The following INSR variants were observed in gnomAD, a reference collection of about 807,000 sequenced individuals.
INSR encodes the protein insulin receptor.
INSR carries 67 observed loss-of-function variants against 142.6 expected under a neutral mutation model. That is an observed-to-expected ratio of 0.47 (90% CI 0.39 to 0.58). The LOEUF is 0.58. Ranked by LOEUF, INSR falls within the 20% of genes least tolerant of loss-of-function variation. The pLI is 0.00. For synonymous variants in INSR, 756 were observed against 743.1 expected (o/e 1.02, Z -0.28); for missense variants, 1,248 against 1,833.2 (o/e 0.68, Z 5.83).
chr19:7,210,177 T>C (rs962272389), intron 2 of INSR, among the ~76,000 whole-genome samples: 1 of 151,882 alleles, frequency 6.6e-6, no homozygotes, highest in Non-Finnish European at 1.5e-5. Context: ...AAACCCCATC[T>C]CTACTAAAAA....
intron 13 of INSR, among the ~76,000 whole-genome samples, chr19:7,135,466 C>T (rs1256519823): frequency 6.7e-6 from 1 of 149,200 alleles, no homozygotes; most frequent in Non-Finnish European, 1.5e-5. Flanking sequence ...TAGGCGTGTG[C>T]CACAAAGCGA....
At chr19:7,202,301 A>G (rs1600005573) in intron 2 of INSR, among the ~76,000 whole-genome samples, 1 of 152,052 alleles carries the variant, frequency 6.6e-6, no homozygotes, top group South Asian at 2.1e-4. Context: ...ATTATTTCCA[A>G]TATTCATCAT....
intron 2 of INSR, among the ~76,000 whole-genome samples, chr19:7,197,835 C>CGA (rs748138504): frequency 0.023 from 662 of 28,292 alleles, 56 homozygotes; most frequent in South Asian, 0.064. Context: ...AGAGAGAGAA[C>CGA]GAGAGAGAGA....
At chr19:7,183,703 G>A (rs886265561) in intron 3 of INSR, among the ~76,000 whole-genome samples, 7 of 152,036 alleles carry the variant, frequency 4.6e-5, no homozygotes, top group Non-Finnish European at 8.8e-5. Flanking sequence ...GGAAAACCAA[G>A]GACTCTGTCC....
At position 7,166,592 on chromosome 19, in the gene INSR, G is replaced by GA. The variant is rs1973896816; in HGVS notation, c.1611-189dup. Among the ~76,000 whole-genome samples, 1 of 152,094 alleles carries GA rather than the reference G, an allele frequency of 6.6e-6. No homozygotes were observed. The highest frequency in any genetic ancestry group is 1.5e-5 in the Non-Finnish European group (1 of 68,014). ...GAACTGTCAACCCTGACATCTCAAT[G>GA]AAAAAACACAGCTTGGGCATCCCTT... On this transcript the variant is annotated intron_variant, in intron 7 of 21. Coordinates refer to ENST00000302850, the MANE Select transcript of INSR (RefSeq NM_000208.4). The surrounding 1 kb of genome is among the most constrained non-coding windows in gnomAD (Gnocchi z 4.1).
chr19:7,128,740 C>T, intron 15 of INSR, 112 bp downstream of exon 15: 2 of 743,706 alleles, frequency 2.7e-6, no homozygotes, highest in East Asian at 2.5e-5. Context: ...GTTACACATC[C>T]TATATCAGCA....
intron 2 of INSR, among the ~76,000 whole-genome samples, chr19:7,235,676 C>A (rs1398513282): frequency 2.0e-5 from 3 of 151,958 alleles, no homozygotes; most frequent in Admixed American, 6.6e-5. Flanking sequence ...GTAGTGAGAC[C>A]TCATCTTTAC....
intron 2 of INSR, among the ~76,000 whole-genome samples, chr19:7,233,246 A>G (rs1529449): frequency 0.7 from 107,118 of 151,960 alleles, 38,071 homozygotes; most frequent in East Asian, 0.8. Context: ...CACCCACCTC[A>G]GCCTCCCAAA....
chr19:7,125,171 G>T lies in INSR; in HGVS notation c.3258+112C>A. The T allele has an allele frequency of 7.8e-7, 1 of 1,278,772 alleles. No individual in the cohort carries two copies. Among genetic ancestry groups the T allele is most frequent in the Non-Finnish European group, 1.1e-6 (1 of 895,956 alleles). 79.2% of individuals were successfully genotyped at this position (1,278,772 alleles called of 1,614,324 possible). On this transcript the variant is annotated intron_variant, in intron 17 of 21. Coordinates refer to ENST00000302850, the MANE Select transcript of INSR (RefSeq NM_000208.4). The surrounding 1 kb of genome is among the most constrained non-coding windows in gnomAD (Gnocchi z 4.9). ...AGGATGGGAAGCTTAGTGGAGTGAGGGGTGGGTAGGAGGTTACACCCTGTG... is the reference window on the plus strand; with the variant it reads ...AGGATGGGAAGCTTAGTGGAGTGAGTGGTGGGTAGGAGGTTACACCCTGTG...
intron 2 of INSR, among the ~76,000 whole-genome samples, chr19:7,189,277 C>T (rs1448946634): frequency 6.6e-6 from 1 of 152,214 alleles, no homozygotes; most frequent in Non-Finnish European, 1.5e-5. Flanking sequence ...TAACACAAAC[C>T]TCTCAAACAC....
chr19:7,253,966 T>C (rs1030297413), intron 2 of INSR, among the ~76,000 whole-genome samples: 1 of 148,294 alleles, frequency 6.7e-6, no homozygotes, highest in Non-Finnish European at 1.5e-5. Flanking sequence ...GAGGCAGAGG[T>C]TGCAGTGAGC....
Position 7,192,335 on chromosome 19 carries a change from G to A in INSR, c.653-7698C>T, listed in dbSNP as rs1006363256. On this transcript the variant is annotated intron_variant, in intron 2 of 21. Coordinates refer to ENST00000302850, the MANE Select transcript of INSR (RefSeq NM_000208.4). The surrounding 1 kb of genome is among the most constrained non-coding windows in gnomAD (Gnocchi z 4.2). ...AAAAATCACAGGCAGCCCAGGCTGGGGAAAGGGCATGACACAGATGAACTA... is the reference window on the plus strand; with the variant it reads ...AAAAATCACAGGCAGCCCAGGCTGGAGAAAGGGCATGACACAGATGAACTA... Among the ~76,000 whole-genome samples the A allele has an allele frequency of 1.3e-5, 2 of 152,040 alleles. No homozygotes were observed. Among genetic ancestry groups the A allele is most frequent in the Non-Finnish European group, 2.9e-5 (2 of 68,004 alleles).
At chr19:7,194,407 A>T (rs1305827339) in intron 2 of INSR, among the ~76,000 whole-genome samples, 1 of 116,882 alleles carries the variant, frequency 8.6e-6, no homozygotes, top group Non-Finnish European at 1.7e-5. Context: ...ACAGAATGAG[A>T]CTTCATCTCA....
intron 5 of INSR, among the ~76,000 whole-genome samples, chr19:7,171,840 G>T (rs1309069377): frequency 6.6e-6 from 1 of 151,686 alleles, no homozygotes; most frequent in Non-Finnish European, 1.5e-5. Context: ...CCGAGGTTTT[G>T]CCAGATATAC....
intron 13 of INSR, among the ~76,000 whole-genome samples, chr19:7,132,740 C>T (rs1207085425): frequency 3.3e-5 from 5 of 151,720 alleles, no homozygotes; most frequent in African/African-American, 1.2e-4. Context: ...TACAGGCGCT[C>T]ACCACCGCGC....
chr19:7,143,884 GT>G (rs2144865055), intron 11 of INSR, among the ~76,000 whole-genome samples: 1 of 152,116 alleles, frequency 6.6e-6, no homozygotes, highest in South Asian at 2.1e-4. Flanking sequence ...GGGAAACCCC[GT>G]CTCTACTAAA....
In INSR at chr19:7,114,088, A is replaced by G. The variant is rs1050400885; in HGVS notation, c.*2968T>C. The G allele has an allele frequency of 6.7e-6, 1 of 149,810 alleles. No homozygotes were observed. Among genetic ancestry groups the G allele is most frequent in the Non-Finnish European group, 1.5e-5 (1 of 67,558 alleles). The allele number at this position is 149,810 out of a possible 1,614,324, so 9.3% of individuals were successfully genotyped here. The stretch of plus-strand genomic sequence containing the variant: ...AAAAAAAAAAGCGTTCAGCACATTA[A>G]TGGGTTTTGGATTGGAATTTCCCTC... On this transcript the variant is annotated 3_prime_UTR_variant, in exon 22 of 22. Transcript: ENST00000302850.
chr19:7,119,174 A>G lies in INSR; in HGVS notation c.3794+275T>C, dbSNP rs958730713. ...TATGCTGATGCACACAGAAACATAT[A>G]ATATGCAAACATAAATACCTATGTA... On this transcript the variant is annotated intron_variant, in intron 21 of 21. Coordinates refer to ENST00000302850, the MANE Select transcript of INSR (RefSeq NM_000208.4). The surrounding 1 kb of genome is among the most constrained non-coding windows in gnomAD (Gnocchi z 5.2). Among the ~76,000 whole-genome samples the G allele has an allele frequency of 6.6e-6, 1 of 152,238 alleles. No individual in the cohort carries two copies. The highest frequency in any genetic ancestry group is 1.5e-5 in the Non-Finnish European group (1 of 68,038).
At chr19:7,201,529 G>A (rs1295547275) in intron 2 of INSR, among the ~76,000 whole-genome samples, 1 of 151,616 alleles carries the variant, frequency 6.6e-6, no homozygotes, top group Non-Finnish European at 1.5e-5. Flanking sequence ...GGAGGCTGAG[G>A]CAGGAGAATC....
Sources: gnomAD v4.1 joint callset for allele counts (sites outside exome capture counted in the v4.1 genomes callset) on GRCh38, gnomAD v4.1.1 for gene constraint, Gnocchi (gnomAD v3.1) non-coding constraint, MANE v1.5 for transcripts, NCBI Gene and HGNC (gene_info 2026-07-23, HGNC 2026-07-21) for gene names.